ALK: variants seen among roughly 807,000 people sequenced by gnomAD.
ALK encodes ALK tyrosine kinase receptor.
In ALK, 74 loss-of-function variants were observed where a neutral mutation model predicts 163.1. The ratio of observed to expected loss-of-function variants is 0.45; its 90% CI spans 0.38 to 0.55. The LOEUF is 0.55. Ranked by LOEUF, ALK falls within the 20% of genes least tolerant of loss-of-function variation. ALK has a pLI of 0.00. For synonymous variants in ALK, 960 were observed against 843.2 expected (o/e 1.14, Z -2.40); for missense variants, 2,063 against 2,105.3 (o/e 0.98, Z 0.39).
intron 2 of ALK, among the ~76,000 whole-genome samples, chr2:29,696,530 TAAAAAAAAAAAA>T (rs60320646): frequency 2.9e-5 from 3 of 103,850 alleles, no homozygotes. Context: ...CTTAAAGGAT[TAAAAAAAAAAAA>T]AAAAAAAAAA....
chr2:29,215,961 C>A (rs557367019), intron 23 of ALK, among the ~76,000 whole-genome samples: 1 of 152,142 alleles, frequency 6.6e-6, no homozygotes, highest in South Asian at 2.1e-4. Context: ...CATCAGGGGA[C>A]CCGAGGTATT....
intron 4 of ALK, among the ~76,000 whole-genome samples, chr2:29,447,111 C>T (rs1188243109): frequency 6.6e-6 from 1 of 152,166 alleles, no homozygotes; most frequent in Non-Finnish European, 1.5e-5. Context: ...CAGCTGGGGC[C>T]TCGTCTCCTG....
intron 4 of ALK, among the ~76,000 whole-genome samples, chr2:29,389,686 T>C (rs978833157): frequency 6.6e-6 from 1 of 152,232 alleles, no homozygotes; most frequent in Non-Finnish European, 1.5e-5. Flanking sequence ...AAATTTATAT[T>C]GCAGTGGAGC....
At chr2:29,309,678 T>C (rs1212241292) in intron 8 of ALK, among the ~76,000 whole-genome samples, 1 of 149,760 alleles carries the variant, frequency 6.7e-6, no homozygotes, top group Admixed American at 6.7e-5. Context: ...TCGAGACTCA[T>C]TGAGGAGTCT....
chr2:29,687,493 A>G (rs997190331), intron 3 of ALK, among the ~76,000 whole-genome samples: 4 of 152,124 alleles, frequency 2.6e-5, no homozygotes, highest in Non-Finnish European at 1.5e-5. Flanking sequence ...AAGATAACTC[A>G]ATAGAATAGT....
intron 4 of ALK, among the ~76,000 whole-genome samples, chr2:29,429,521 A>G (rs1435462731): frequency 6.6e-6 from 1 of 152,102 alleles, no homozygotes; most frequent in African/African-American, 2.4e-5. Context: ...TAAATTTTAC[A>G]AAAGAAGTAC....
chr2:29,455,258 C>T (rs1418719437), intron 4 of ALK, among the ~76,000 whole-genome samples: 1 of 152,154 alleles, frequency 6.6e-6, no homozygotes, highest in Non-Finnish European at 1.5e-5. Flanking sequence ...GACTGGAGTC[C>T]TGCCTTTGTC....
intron 3 of ALK, among the ~76,000 whole-genome samples, chr2:29,645,426 G>A (rs538140438): frequency 6.6e-6 from 1 of 152,180 alleles, no homozygotes; most frequent in African/African-American, 2.4e-5. Flanking sequence ...GGAATGTCCC[G>A]CATTTTCACC....
chr2:29,913,883 G>A (rs1667768009), intron 1 of ALK, among the ~76,000 whole-genome samples: 1 of 149,930 alleles, frequency 6.7e-6, no homozygotes, highest in Non-Finnish European at 1.5e-5. Flanking sequence ...TGAAAATACA[G>A]AAAGAACACA....
At chr2:29,621,788 G>A (rs964603667) in intron 3 of ALK, among the ~76,000 whole-genome samples, 6 of 152,176 alleles carry the variant, frequency 3.9e-5, no homozygotes, top group Admixed American at 3.9e-4. Flanking sequence ...GAGAGGTGAG[G>A]GCTGGACCTC....
intron 5 of ALK, among the ~76,000 whole-genome samples, chr2:29,379,739 C>T (rs146853370): frequency 3.8e-4 from 58 of 152,172 alleles, no homozygotes; most frequent in African/African-American, 1.2e-3. Flanking sequence ...TATCTGGCAA[C>T]GTGTGGAAGA....
At chr2:29,364,719 G>A (rs540827509) in intron 5 of ALK, among the ~76,000 whole-genome samples, 10 of 152,338 alleles carry the variant, frequency 6.6e-5, no homozygotes, top group South Asian at 4.1e-4. Context: ...GGGAACAGGC[G>A]TGGGTGACGG....
chr2:29,519,744 C>A (rs557422165), intron 4 of ALK, among the ~76,000 whole-genome samples: 2 of 152,184 alleles, frequency 1.3e-5, no homozygotes, highest in African/African-American at 4.8e-5. Context: ...GGTGACCAGG[C>A]CACTGCGAGA....
intron 1 of ALK, among the ~76,000 whole-genome samples, chr2:29,854,641 C>T (rs1172454245): frequency 1.3e-5 from 2 of 152,214 alleles, no homozygotes; most frequent in South Asian, 2.1e-4. Context: ...TGTAGTTCAT[C>T]ATCCACTGTT....
At chr2:29,335,217 G>A (rs1558679706) in intron 5 of ALK, among the ~76,000 whole-genome samples, 2 of 152,186 alleles carry the variant, frequency 1.3e-5, no homozygotes, top group African/African-American at 2.4e-5. Flanking sequence ...AGCCACTCTG[G>A]GAAGAGTCGG....
chr2:29,413,798 G>A (rs895325214), intron 4 of ALK, among the ~76,000 whole-genome samples: 1 of 152,276 alleles, frequency 6.6e-6, no homozygotes, highest in Admixed American at 6.5e-5. Context: ...CTCCTATAGT[G>A]CTAGGATTAC....
intron 3 of ALK, among the ~76,000 whole-genome samples, chr2:29,565,560 C>T (rs535340600): frequency 3.9e-5 from 6 of 152,276 alleles, no homozygotes; most frequent in Admixed American, 2.6e-4. Flanking sequence ...CCTAAACAAA[C>T]AAGAAGAGCC....
intron 3 of ALK, among the ~76,000 whole-genome samples, chr2:29,568,161 C>A (rs1390603316): frequency 6.6e-6 from 1 of 152,240 alleles, no homozygotes; most frequent in Admixed American, 6.5e-5. Context: ...CCCCCGCCCT[C>A]TTCAGAAATG....
chr2:29,604,151 G>A (rs1052506154), intron 3 of ALK, among the ~76,000 whole-genome samples: 1 of 143,756 alleles, frequency 7.0e-6, no homozygotes, highest in African/African-American at 2.6e-5. Context: ...CTCAAGAGCT[G>A]AGAATAGAGA....
Sources: gnomAD v4.1 joint callset for allele counts (sites outside exome capture counted in the v4.1 genomes callset) on GRCh38, gnomAD v4.1.1 for gene constraint, MANE v1.5 for transcripts, NCBI Gene and HGNC (gene_info 2026-07-23, HGNC 2026-07-21) for gene names.